ANKH: variants seen among roughly 807,000 people sequenced by gnomAD.
ANKH encodes the protein mineralization regulator ANKH.
In ANKH, 15 loss-of-function variants were observed where a neutral mutation model predicts 49.0. The ratio of observed to expected loss-of-function variants is 0.31; its 90% CI spans 0.20 to 0.47. The LOEUF (loss-of-function observed/expected upper bound fraction) is 0.47. ANKH is among the 20% of genes least tolerant of loss of function. The probability of loss-of-function intolerance (pLI) is 1.00; values close to 1 mark genes in which losing one functional copy is unlikely to be tolerated. For missense variants in ANKH, 429 were observed against 652.0 expected (o/e 0.66, Z 3.72); for synonymous variants, 273 against 260.0 (o/e 1.05, Z -0.48).
intron 1 of ANKH, among the ~76,000 whole-genome samples, chr5:14,826,756 T>C (rs1198970471): frequency 6.6e-6 from 1 of 152,194 alleles, no homozygotes; most frequent in African/African-American, 2.4e-5. Flanking sequence ...AAAATTAAAC[T>C]GAAAAATGTT....
intron 1 of ANKH, among the ~76,000 whole-genome samples, chr5:14,790,977 T>C (rs566697936): frequency 7.9e-5 from 12 of 152,060 alleles, no homozygotes; most frequent in Admixed American, 5.9e-4. Context: ...TTCTCATGAG[T>C]TCTCTCACTT....
At chr5:14,723,358 A>T (rs1241137066) in intron 8 of ANKH, among the ~76,000 whole-genome samples, 2 of 149,968 alleles carry the variant, frequency 1.3e-5, no homozygotes, top group African/African-American at 5.0e-5. Flanking sequence ...TCTTTTTTTA[A>T]AAAAAAAAAA....
intron 1 of ANKH, among the ~76,000 whole-genome samples, chr5:14,780,983 G>C (rs907204021): frequency 2.6e-5 from 4 of 152,186 alleles, no homozygotes; most frequent in African/African-American, 9.7e-5. Context: ...AAAGTCAGAC[G>C]TACATGTGCA....
intron 3 of ANKH, among the ~76,000 whole-genome samples, chr5:14,756,442 G>A (rs904913709): frequency 1.3e-5 from 2 of 152,202 alleles, no homozygotes; most frequent in African/African-American, 2.4e-5. Flanking sequence ...TTTGGGAGAT[G>A]AGGAGGAAGA....
In ANKH at chr5:14,705,076, AT is replaced by A. The variant is rs1448431723; in HGVS notation, c.*6120del. On this transcript the variant is annotated 3_prime_UTR_variant, in exon 12 of 12. Transcript: ENST00000284268. ...GGTTTTGCTCTGTTGCTCAGGCTGG[AT>A]TCCAACTCCTGTGCTTAAGCGATCC... 1 of 152,142 alleles carries A rather than the reference AT, an allele frequency of 6.6e-6. No homozygotes were observed. The highest frequency in any genetic ancestry group is 1.5e-5 in the Non-Finnish European group (1 of 68,032). 9.4% of individuals were successfully genotyped at this position (152,142 alleles called of 1,614,324 possible). A position where few individuals can be genotyped will look rare whatever the true frequency, so the allele number is the denominator to read the frequency against.
In ANKH at chr5:14,710,327, A is replaced by ACCTTCAGGAAAGGCGAGGGAAAAGCAAG. The variant is rs1737118553; in HGVS notation, c.*842_*869dup. ...GCTCCATGTGACTCGCTCTAATGCG[A>ACCTTCAGGAAAGGCGAGGGAAAAGCAAG]CCTTCAGGAAAGGCGAGGGAAAAGC... is the stretch of plus-strand genomic sequence containing the variant. On this transcript the variant is annotated 3_prime_UTR_variant, in exon 12 of 12. Coordinates refer to ENST00000284268, the MANE Select transcript of ANKH (RefSeq NM_054027.6). The ACCTTCAGGAAAGGCGAGGGAAAAGCAAG allele has an allele frequency of 6.6e-6, 1 of 152,246 alleles. No individual in the cohort carries two copies. Among genetic ancestry groups the ACCTTCAGGAAAGGCGAGGGAAAAGCAAG allele is most frequent in the Non-Finnish European group, 1.5e-5 (1 of 68,044 alleles). 9.4% of individuals were successfully genotyped at this position (152,246 alleles called of 1,614,324 possible). A position where few individuals can be genotyped will look rare whatever the true frequency, so the allele number is the denominator to read the frequency against.
chr5:14,803,079 T>C (rs1264811456), intron 1 of ANKH, among the ~76,000 whole-genome samples: 2 of 152,326 alleles, frequency 1.3e-5, no homozygotes, highest in East Asian at 3.9e-4. Flanking sequence ...ATCAGTTTGA[T>C]AGGTCACATC....
At chr5:14,829,614 A>G (rs2126596591) in intron 1 of ANKH, among the ~76,000 whole-genome samples, 1 of 152,276 alleles carries the variant, frequency 6.6e-6, no homozygotes, top group South Asian at 2.1e-4. Context: ...TATGATCTAG[A>G]ATTCACTTCT....
chr5:14,729,890 C>T (rs1737941959), intron 8 of ANKH, among the ~76,000 whole-genome samples: 1 of 152,210 alleles, frequency 6.6e-6, no homozygotes, highest in Non-Finnish European at 1.5e-5. Flanking sequence ...TCTTTGTTTT[C>T]TTTCCCTCCT....
Position 14,858,597 on chromosome 5 carries a change from T to C in ANKH, c.96+12755A>G, listed in dbSNP as rs546215632. On this transcript the variant is annotated intron_variant, in intron 1 of 11. Coordinates refer to ENST00000284268, the MANE Select transcript of ANKH (RefSeq NM_054027.6). ...CAGGCATGGTGGGTAATGCCTGTAGTCCCAGCTACTCGGGAGGCTGAGGCA... is the reference window on the plus strand; with the variant it reads ...CAGGCATGGTGGGTAATGCCTGTAGCCCCAGCTACTCGGGAGGCTGAGGCA... Among the ~76,000 whole-genome samples the C allele has an allele frequency of 4.6e-5, 7 of 152,088 alleles. No individual in the cohort carries two copies. The South Asian group carries it at 1.5e-3, about 32-fold the overall frequency.
chr5:14,815,395 C>T (rs1242304762), intron 1 of ANKH, among the ~76,000 whole-genome samples: 4 of 152,210 alleles, frequency 2.6e-5, no homozygotes, highest in African/African-American at 9.6e-5. Flanking sequence ...TGGATATATA[C>T]TTGTGTTTGA....
At chr5:14,785,135 C>G (rs973472433) in intron 1 of ANKH, among the ~76,000 whole-genome samples, 2 of 152,156 alleles carry the variant, frequency 1.3e-5, no homozygotes, top group Admixed American at 1.3e-4. Context: ...GTTATTTAAG[C>G]CTTTTTGAGA....
intron 1 of ANKH, among the ~76,000 whole-genome samples, chr5:14,860,318 G>A (rs1392893509): frequency 6.6e-6 from 1 of 152,198 alleles, no homozygotes; most frequent in Admixed American, 6.5e-5. Flanking sequence ...TCCAGTCACT[G>A]TGGCCTTGGA....
chr5:14,854,038 T>A (rs1243033745), intron 1 of ANKH, among the ~76,000 whole-genome samples: 3 of 152,224 alleles, frequency 2.0e-5, no homozygotes, highest in African/African-American at 7.2e-5. Context: ...TCCTAATGTA[T>A]TCCAGTGCCA....
intron 1 of ANKH, among the ~76,000 whole-genome samples, chr5:14,860,562 C>T (rs1735452142): frequency 6.6e-6 from 1 of 151,908 alleles, no homozygotes; most frequent in Admixed American, 6.6e-5. Flanking sequence ...ACTACTATTC[C>T]CCTCTATTAA....
intron 1 of ANKH, among the ~76,000 whole-genome samples, chr5:14,834,926 G>C (rs1410152915): frequency 2.0e-5 from 3 of 152,196 alleles, no homozygotes; most frequent in African/African-American, 7.2e-5. Context: ...ACTCTGAGCA[G>C]TCACCAGGAA....
At chr5:14,839,594 G>C (rs1181064160) in intron 1 of ANKH, among the ~76,000 whole-genome samples, 1 of 151,554 alleles carries the variant, frequency 6.6e-6, no homozygotes, top group Non-Finnish European at 1.5e-5. Context: ...TTCATGGCTG[G>C]CTAGATTTTG....
chr5:14,795,956 A>G (rs145803076), intron 1 of ANKH, among the ~76,000 whole-genome samples: 2 of 152,312 alleles, frequency 1.3e-5, no homozygotes, highest in East Asian at 3.8e-4. Flanking sequence ...TCCTTTTGCA[A>G]TGTGACACCT....
chr5:14,864,139 G>A (rs926856597), intron 1 of ANKH, among the ~76,000 whole-genome samples: 4 of 152,176 alleles, frequency 2.6e-5, no homozygotes, highest in African/African-American at 4.8e-5. Flanking sequence ...CTTTAGCCCC[G>A]GAATTTGAGG....
Sources: gnomAD v4.1 joint callset for allele counts (sites outside exome capture counted in the v4.1 genomes callset) on GRCh38, gnomAD v4.1.1 for gene constraint, MANE v1.5 for transcripts, NCBI Gene and HGNC (gene_info 2026-07-23, HGNC 2026-07-21) for gene names.